Variants in NFKB1 observed in about 807,000 individuals in gnomAD.
NFKB1 encodes nuclear factor kappa B subunit 1.
A neutral mutation model predicts 105.1 loss-of-function variants in NFKB1; 9 were observed. The observed-to-expected ratio is 0.09, with a 90% CI of 0.05 to 0.15. The LOEUF (loss-of-function observed/expected upper bound fraction) is 0.15. NFKB1 is among the 10% of genes least tolerant of loss of function. NFKB1 has a pLI of 1.00. For missense variants in NFKB1, 830 were observed against 1,203.7 expected, an observed-to-expected ratio of 0.69 and a Z score of 4.59; for synonymous variants, 440 against 442.2, an observed-to-expected ratio of 1.00 and a Z score of 0.06.
At chr4:102,615,529 C>T (rs1438004986) in intron 23 of NFKB1, among the ~76,000 whole-genome samples, 1 of 152,184 alleles carries the variant, frequency 6.6e-6, no homozygotes, top group African/African-American at 2.4e-5. Flanking sequence ...CGGAAAACAA[C>T]CCAGATCTCC....
chr4:102,610,488 C>T lies in NFKB1; in HGVS notation c.2228-87C>T, dbSNP rs752743151. On this transcript the variant is annotated intron_variant, in intron 19 of 23. Transcript: ENST00000226574. Reference sequence around the variant, plus strand: ...GAGATTGCCTCAAGCTGCTACATTGCTTTGCCTTTGGGAATCTGACCTTTG... The same window carrying T: ...GAGATTGCCTCAAGCTGCTACATTGTTTTGCCTTTGGGAATCTGACCTTTG... The T allele has an allele frequency of 4.8e-4, 705 of 1,457,524 alleles. 4 individuals are homozygous for T. The highest frequency in any genetic ancestry group is 2.9e-4 in the Admixed American group (16 of 55,000). The allele number at this position is 1,457,524 out of a possible 1,614,324, so 90.3% of individuals were successfully genotyped here.
intron 9 of NFKB1, among the ~76,000 whole-genome samples, chr4:102,582,008 C>T (rs564161321): frequency 5.9e-5 from 9 of 152,172 alleles, no homozygotes; most frequent in Admixed American, 2.0e-4. Flanking sequence ...TTCTATGAAA[C>T]GGAAAGTGAA....
intron 11 of NFKB1, among the ~76,000 whole-genome samples, chr4:102,591,807 ATTGT>A (rs899151743): frequency 5.3e-5 from 8 of 152,286 alleles, no homozygotes; most frequent in Admixed American, 5.2e-4. Context: ...TTTCAGTCTT[ATTGT>A]TTAAGAAATA....
intron 5 of NFKB1, among the ~76,000 whole-genome samples, chr4:102,558,831 T>C (rs1472120850): frequency 6.6e-6 from 1 of 152,092 alleles, no homozygotes; most frequent in African/African-American, 2.4e-5. Flanking sequence ...ACTCTGAGCC[T>C]CCATCCTAAT....
At chr4:102,563,430 C>A (rs1433255091) in intron 5 of NFKB1, among the ~76,000 whole-genome samples, 1 of 151,634 alleles carries the variant, frequency 6.6e-6, no homozygotes, top group Non-Finnish European at 1.5e-5. Flanking sequence ...CAGCCACCTG[C>A]TTTTAGATAG....
At chr4:102,564,117 G>A (rs982133070) in intron 5 of NFKB1, among the ~76,000 whole-genome samples, 65 of 152,030 alleles carry the variant, frequency 4.3e-4, no homozygotes, top group Admixed American at 4.3e-3. Flanking sequence ...ACCACGCCCG[G>A]CCCGAAAGCT....
intron 5 of NFKB1, among the ~76,000 whole-genome samples, chr4:102,558,783 C>T (rs553458633): frequency 2.0e-5 from 3 of 152,164 alleles, no homozygotes; most frequent in Admixed American, 2.0e-4. Flanking sequence ...CCCAAGTAGC[C>T]GGAACTACAG....
chr4:102,599,370 C>T (rs1257774173), intron 15 of NFKB1, among the ~76,000 whole-genome samples: 3 of 152,156 alleles, frequency 2.0e-5, no homozygotes, highest in Non-Finnish European at 2.9e-5. Context: ...TTTTTAGGCT[C>T]TTCTGTGCCG....
At chr4:102,506,286 C>T (rs1739411309) in intron 1 of NFKB1, among the ~76,000 whole-genome samples, 1 of 152,168 alleles carries the variant, frequency 6.6e-6, no homozygotes, top group South Asian at 2.1e-4. Flanking sequence ...AACAATGCTA[C>T]AAGCACTGCT....
rs963544978 is a variant in NFKB1 at position 102,577,793 on chromosome 4, G to A, written c.571+754G>A. 7.1e-6 allele frequency: 7 copies of A among 985,036 alleles called. No homozygotes were observed. In the African/African-American group the frequency reaches 1.0e-4, roughly 15 times the overall value. 61.0% of individuals were successfully genotyped at this position (985,036 alleles called of 1,614,324 possible). The stretch of plus-strand genomic sequence containing the variant: ...TGCGAGGCTGTGGTCCAGCCATTCC[G>A]TGCTCTCTGGCATTCCACACTACAT... On this transcript the variant is annotated intron_variant, in intron 7 of 23. Transcript: ENST00000226574.
chr4:102,505,495 TC>T (rs998331579), intron 1 of NFKB1, among the ~76,000 whole-genome samples: 2 of 152,222 alleles, frequency 1.3e-5, no homozygotes, highest in African/African-American at 4.8e-5. Flanking sequence ...GGTTTAATTA[TC>T]CATTACAAAT....
chr4:102,555,511 CA>C (rs1364273632), intron 5 of NFKB1, among the ~76,000 whole-genome samples: 1 of 152,076 alleles, frequency 6.6e-6, no homozygotes, highest in African/African-American at 2.4e-5. Flanking sequence ...AATTGTTGAA[CA>C]AGATAATTTT....
At chr4:102,507,716 TC>T (rs1034022296) in intron 1 of NFKB1, among the ~76,000 whole-genome samples, 54 of 152,338 alleles carry the variant, frequency 3.5e-4, no homozygotes, top group African/African-American at 1.3e-3. Context: ...CTCTATAATG[TC>T]CCATTTTAAA....
At chr4:102,604,435 A>T (rs1356956968) in intron 16 of NFKB1, among the ~76,000 whole-genome samples, 1 of 152,112 alleles carries the variant, frequency 6.6e-6, no homozygotes, top group Non-Finnish European at 1.5e-5. Flanking sequence ...CAGTGTCAAA[A>T]CCTGGAAATA....
chr4:102,603,564 G>A (rs1487329555), intron 16 of NFKB1, among the ~76,000 whole-genome samples: 1 of 152,070 alleles, frequency 6.6e-6, no homozygotes. Context: ...TCTGATTAAT[G>A]GGCAGTGATT....
At chr4:102,528,520 A>C (rs1248884594) in intron 2 of NFKB1, among the ~76,000 whole-genome samples, 11 of 152,122 alleles carry the variant, frequency 7.2e-5, no homozygotes, top group Non-Finnish European at 1.3e-4. Context: ...TCAATAATTT[A>C]CTACTAAGGG....
intron 1 of NFKB1, among the ~76,000 whole-genome samples, chr4:102,505,608 C>T (rs1448549752): frequency 6.6e-6 from 1 of 152,146 alleles, no homozygotes; most frequent in Non-Finnish European, 1.5e-5. Context: ...GACTTGAGTT[C>T]ATCTATGGAT....
Position 102,594,884 on chromosome 4 carries a change from C to A in NFKB1, c.1211-8C>A, listed in dbSNP as rs192833592. 1 of 1,597,166 alleles carries A rather than the reference C, an allele frequency of 6.3e-7. No individual in the cohort carries two copies. The highest frequency in any genetic ancestry group is 2.2e-5 in the East Asian group (1 of 44,776). ...ATGATGTTTCATTTGTTTTACTTGCCGTTTCAGGGTATAGCTTCCCACACT... is the reference window on the plus strand; with the variant it reads ...ATGATGTTTCATTTGTTTTACTTGCAGTTTCAGGGTATAGCTTCCCACACT... On this transcript the variant is annotated splice_region_variant and splice_polypyrimidine_tract_variant and intron_variant, in intron 12 of 23. Coordinates refer to ENST00000226574, the MANE Select transcript of NFKB1 (RefSeq NM_003998.4).
intron 1 of NFKB1, among the ~76,000 whole-genome samples, chr4:102,523,993 A>G (rs1375905468): frequency 6.6e-6 from 1 of 152,116 alleles, no homozygotes; most frequent in African/African-American, 2.4e-5. Flanking sequence ...TCTCATCTGC[A>G]GTCCTAAGTA....
Sources: allele counts gnomAD v4.1 joint callset (sites outside exome capture counted in the v4.1 genomes callset), GRCh38; gene constraint gnomAD v4.1.1; transcripts MANE v1.5; gene names NCBI Gene and HGNC (gene_info 2026-07-23, HGNC 2026-07-21).